Variants in PTER observed in about 807,000 individuals in gnomAD.
PTER encodes the protein phosphotriesterase related, also known as N-acetyltaurine hydrolase.
Under a neutral mutation model 29.6 loss-of-function variants are expected in PTER, and 38 were observed. That is an observed-to-expected ratio of 1.28 (90% CI 0.99 to 1.68). PTER has a LOEUF of 1.68. Among genes scored for constraint, PTER ranks in the 40% most tolerant of loss-of-function variants. PTER has a pLI of 0.00. For missense variants in PTER, 482 were observed against 427.8 expected, an observed-to-expected ratio of 1.13 and a Z score of -1.12; for synonymous variants, 172 against 154.5, an observed-to-expected ratio of 1.11 and a Z score of -0.84.
chr10:16,483,452 G>C lies in PTER; in HGVS notation c.-48-885G>C, dbSNP rs545611098. 2.0e-5 allele frequency among the ~76,000 whole-genome samples: 3 copies of C among 152,310 alleles called. No individual in the cohort carries two copies. The East Asian group carries it at 5.8e-4, about 29-fold the overall frequency. ...AGGGGCATATTCTATGAAGTCGTGT[G>C]AGTCAGAGATCTTGTCTTTTGTTTC... is the stretch of plus-strand genomic sequence containing the variant. On this transcript the variant is annotated intron_variant, in intron 1 of 4. Coordinates refer to ENST00000535784, the MANE Select transcript of PTER (RefSeq NM_001261836.2).
At chr10:16,518,641 CCTT>C (rs2133540514), downstream of PTER, among the ~76,000 whole-genome samples, 1 of 152,212 alleles carries the variant, frequency 6.6e-6, no homozygotes, top group South Asian at 2.1e-4. Flanking sequence ...TGTATTAATC[CCTT>C]CTTTTTTCAT....
chr10:16,504,013 A>G (rs1269940416), intron 3 of PTER, among the ~76,000 whole-genome samples: 2 of 152,112 alleles, frequency 1.3e-5, no homozygotes, highest in Admixed American at 1.3e-4. Flanking sequence ...GCAATGTCTA[A>G]TGGGGTATAT....
intron 1 of PTER, among the ~76,000 whole-genome samples, chr10:16,456,040 A>G (rs950829674): frequency 2.6e-5 from 4 of 152,216 alleles, no homozygotes; most frequent in African/African-American, 9.6e-5. Flanking sequence ...CATCCCCGGA[A>G]TGCTGTGATT....
intron 1 of PTER, among the ~76,000 whole-genome samples, chr10:16,451,943 T>C (rs1448321757): frequency 6.6e-6 from 1 of 152,164 alleles, no homozygotes. Flanking sequence ...TGATTTATGC[T>C]CGTATCATCT....
intron 1 of PTER, among the ~76,000 whole-genome samples, chr10:16,482,328 T>A (rs1835510515): frequency 6.6e-6 from 1 of 152,154 alleles, no homozygotes; most frequent in Non-Finnish European, 1.5e-5. Context: ...CTTCACAAAT[T>A]TTCCCCTTTG....
At chr10:16,498,051 C>G (rs1258547540) in intron 3 of PTER, among the ~76,000 whole-genome samples, 2 of 152,148 alleles carry the variant, frequency 1.3e-5, no homozygotes, top group Admixed American at 1.3e-4. Context: ...ATATGAATGA[C>G]ATGAACAAGT....
intron 1 of PTER, among the ~76,000 whole-genome samples, chr10:16,452,999 C>A (rs1182663530): frequency 6.6e-6 from 1 of 152,190 alleles, no homozygotes; most frequent in Non-Finnish European, 1.5e-5. Context: ...ATCTGCCTGC[C>A]TCAGCCTCCC....
At chr10:16,517,006 G>A (rs1836962394), downstream of PTER, among the ~76,000 whole-genome samples, 1 of 152,150 alleles carries the variant, frequency 6.6e-6, no homozygotes, top group Non-Finnish European at 1.5e-5. Flanking sequence ...GATATAACAG[G>A]ACTTGAAATT....
intron 1 of PTER, among the ~76,000 whole-genome samples, chr10:16,453,476 A>G (rs10795396): frequency 0.63 from 95,582 of 152,034 alleles, 31,281 homozygotes; most frequent in East Asian, 0.8. Flanking sequence ...ACGTATTTGA[A>G]GGCTACTATA....
intron 1 of PTER, among the ~76,000 whole-genome samples, chr10:16,457,748 T>C (rs1282390800): frequency 1.3e-5 from 2 of 151,988 alleles, no homozygotes; most frequent in Non-Finnish European, 2.9e-5. Flanking sequence ...TACAGGTGCG[T>C]GCCACCACAC....
chr10:16,447,852 G>A (rs1834072186), intron 1 of PTER, among the ~76,000 whole-genome samples: 1 of 152,208 alleles, frequency 6.6e-6, no homozygotes, highest in South Asian at 2.1e-4. Context: ...AGGCTGGGGA[G>A]AGAAGGCAGG....
chr10:16,453,204 C>T (rs1286419464), intron 1 of PTER, among the ~76,000 whole-genome samples: 1 of 152,156 alleles, frequency 6.6e-6, no homozygotes, highest in Non-Finnish European at 1.5e-5. Flanking sequence ...GCATGAGCCA[C>T]TGCACCTGGC....
At chr10:16,462,074 C>G (rs1834632588) in intron 1 of PTER, among the ~76,000 whole-genome samples, 1 of 151,788 alleles carries the variant, frequency 6.6e-6, no homozygotes, top group Non-Finnish European at 1.5e-5. Flanking sequence ...CAACCTCTGC[C>G]TCCCGGGTTC....
chr10:16,462,615 G>C (rs186376216), intron 1 of PTER, among the ~76,000 whole-genome samples: 2,812 of 145,670 alleles, frequency 0.019, 104 homozygotes, highest in African/African-American at 0.069. Flanking sequence ...CTGTTGACCA[G>C]GCTGGAGTGC....
At chr10:16,501,352 C>CAT (rs1346745699) in intron 3 of PTER, among the ~76,000 whole-genome samples, 3 of 131,296 alleles carry the variant, frequency 2.3e-5, no homozygotes, top group Admixed American at 1.6e-4. Flanking sequence ...CACACACACA[C>CAT]ACACACACAC....
At chr10:16,472,770 A>C (rs932242761) in intron 1 of PTER, among the ~76,000 whole-genome samples, 40 of 152,150 alleles carry the variant, frequency 2.6e-4, no homozygotes, top group Non-Finnish European at 2.9e-5. Context: ...AAATTTGAAC[A>C]GTTTTCTATT....
At chr10:16,480,521 G>C (rs1432193186) in intron 1 of PTER, among the ~76,000 whole-genome samples, 1 of 152,102 alleles carries the variant, frequency 6.6e-6, no homozygotes, top group South Asian at 2.1e-4. Context: ...ATTTAAAATT[G>C]TTAGACGAGT....
intron 1 of PTER, among the ~76,000 whole-genome samples, chr10:16,481,266 T>C (rs1835469981): frequency 6.6e-6 from 1 of 152,218 alleles, no homozygotes; most frequent in African/African-American, 2.4e-5. Flanking sequence ...GCCTGCTTTG[T>C]TTGTTGGTAA....
At chr10:16,442,288 T>C (rs555110344) in intron 1 of PTER, among the ~76,000 whole-genome samples, 2 of 152,242 alleles carry the variant, frequency 1.3e-5, no homozygotes, top group Non-Finnish European at 2.9e-5. Context: ...GTTTATGCCT[T>C]GACAATTCGA....
Sources: gnomAD v4.1 joint callset for allele counts (sites outside exome capture counted in the v4.1 genomes callset) on GRCh38, gnomAD v4.1.1 for gene constraint, MANE v1.5 for transcripts, NCBI Gene and HGNC (gene_info 2026-07-23, HGNC 2026-07-21) for gene names.